The following RTL9 variants were observed in gnomAD, a reference collection of about 807,000 sequenced individuals.
RTL9 encodes retrotransposon Gag like 9.
RTL9 carries 19 observed loss-of-function variants against 44.7 expected under a neutral mutation model. The observed-to-expected ratio is 0.42, with a 90% CI of 0.30 to 0.62. RTL9 has a LOEUF of 0.62. Among genes scored for constraint, RTL9 ranks in the 20% least tolerant of loss-of-function variants. The pLI is 0.16. For missense variants in RTL9, 1,105 were observed against 1,080.6 expected (o/e 1.02, Z -0.32); for synonymous variants, 407 against 398.9 (o/e 1.02, Z -0.24).
chrX:110,411,043 C>T (rs1014874583), intron 1 of RTL9, among the ~76,000 whole-genome samples: 2 of 112,550 alleles, frequency 1.8e-5, no homozygotes, highest in Non-Finnish European at 1.9e-5. Context: ...ATTTCAGCAG[C>T]GATCAGCAAG....
At chrX:110,410,800 G>A (rs915456194) in intron 1 of RTL9, among the ~76,000 whole-genome samples, 29 of 111,750 alleles carry the variant, frequency 2.6e-4, no homozygotes, top group African/African-American at 8.8e-4. Context: ...CGTAGCTGGG[G>A]CCTTGGGACA....
chrX:110,417,884 G>A (rs899944660), upstream of RTL9, among the ~76,000 whole-genome samples: 3 of 112,608 alleles, frequency 2.7e-5, no homozygotes, highest in Non-Finnish European at 5.6e-5. Context: ...AAGTGATGGA[G>A]TTGGAATTTG....
At chrX:110,425,980 GCACA>G (rs72103134) in intron 1 of RTL9, among the ~76,000 whole-genome samples, 3 of 109,433 alleles carry the variant, frequency 2.7e-5, no homozygotes, top group East Asian at 2.9e-4. Context: ...GTGCGTGCGC[GCACA>G]CACACACACA....
chrX:110,445,244 C>T (rs2068902071), exon 2 of RTL9: 2 of 112,560 alleles, frequency 1.8e-5, no homozygotes, highest in South Asian at 7.5e-4. Flanking sequence ...CCCAGCTTCG[C>T]TCCCTCTCAG....
intron 1 of RTL9, among the ~76,000 whole-genome samples, chrX:110,378,881 C>T: frequency 9.1e-6 from 1 of 110,482 alleles, no homozygotes; most frequent in East Asian, 2.9e-4. Flanking sequence ...CACAGCTTCT[C>T]CATGGAGAAG....
chrX:110,442,468 C>T (rs1044850519), intron 1 of RTL9, among the ~76,000 whole-genome samples: 23 of 111,611 alleles, frequency 2.1e-4, no homozygotes, highest in African/African-American at 7.2e-4. Flanking sequence ...TGTGAAAGTG[C>T]TTTGGAAACT....
At chrX:110,450,335 G>A (rs1046776589), upstream of RTL9, among the ~76,000 whole-genome samples, 1 of 111,625 alleles carries the variant, frequency 9.0e-6, no homozygotes, top group African/African-American at 3.3e-5. Context: ...GGCGTTTATA[G>A]CATTTACAAA....
chrX:110,405,248 A>C (rs1446003885), intron 1 of RTL9, among the ~76,000 whole-genome samples: 1 of 111,390 alleles, frequency 9.0e-6, no homozygotes, highest in Admixed American at 9.5e-5. Context: ...CTCAGGGAAG[A>C]AGATGTAGAA....
At chrX:110,420,045 C>A (rs1420770432) in intron 1 of RTL9, among the ~76,000 whole-genome samples, 2 of 111,411 alleles carry the variant, frequency 1.8e-5, no homozygotes, top group African/African-American at 6.5e-5. Flanking sequence ...AGAGACAGAA[C>A]CAAAAGTTGA....
intron 1 of RTL9, among the ~76,000 whole-genome samples, chrX:110,422,068 ATGGGGCTCTGGC>A (rs1227442266): frequency 3.5e-5 from 4 of 113,105 alleles, no homozygotes; most frequent in African/African-American, 1.3e-4. Context: ...TTTCTGGAAA[ATGGGGCTCTGGC>A]TGGGATCAAA....
intron 1 of RTL9, among the ~76,000 whole-genome samples, chrX:110,393,840 G>A (rs1159348818): frequency 8.9e-6 from 1 of 112,455 alleles, no homozygotes; most frequent in Non-Finnish European, 1.9e-5. Flanking sequence ...GATGGGCTCC[G>A]GCCACCTGTG....
chrX:110,438,440 C>T (rs766284656), intron 1 of RTL9, among the ~76,000 whole-genome samples: 23 of 111,344 alleles, frequency 2.1e-4, no homozygotes, highest in Non-Finnish European at 3.8e-4. Flanking sequence ...CCGTAATCTG[C>T]CCCCACCCCA....
chrX:110,393,221 A>G (rs2068506646), intron 1 of RTL9, among the ~76,000 whole-genome samples: 1 of 111,732 alleles, frequency 8.9e-6, no homozygotes, highest in African/African-American at 3.3e-5. Flanking sequence ...ATTTTGGACC[A>G]CTTAACTTCC....
upstream of RTL9, among the ~76,000 whole-genome samples, chrX:110,418,261 T>A (rs1317472730): frequency 1.8e-5 from 2 of 112,414 alleles, no homozygotes; most frequent in Admixed American, 9.3e-5. Context: ...CTTATTTTTT[T>A]AATTAAGAGC....
intron 1 of RTL9, among the ~76,000 whole-genome samples, chrX:110,410,412 A>G (rs1326891397): frequency 8.9e-6 from 1 of 112,201 alleles, no homozygotes; most frequent in Non-Finnish European, 1.9e-5. Context: ...GGACAAGAGG[A>G]ACTCGCCAAT....
exon 1 of RTL9, chrX:110,454,267 C>A (rs757279636): frequency 4.1e-6 from 5 of 1,211,939 alleles, no homozygotes; most frequent in Non-Finnish European, 4.5e-6. Context: ...GAAAATAAAT[C>A]TTTCCTGAGA....
At chrX:110,400,494 A>T (rs781142675) in intron 1 of RTL9, among the ~76,000 whole-genome samples, 28 of 109,474 alleles carry the variant, frequency 2.6e-4, no homozygotes, top group Middle Eastern at 4.2e-3. Context: ...GTAATACCCT[A>T]CCTCTTCTGA....
At chrX:110,374,386 A>G (rs1210644976) in intron 1 of RTL9, among the ~76,000 whole-genome samples, 2 of 112,228 alleles carry the variant, frequency 1.8e-5, no homozygotes, top group Non-Finnish European at 3.8e-5. Context: ...TAATGAGTCT[A>G]GTAGTATTTC....
chrX:110,387,987 A>G (rs1435386666), intron 1 of RTL9, among the ~76,000 whole-genome samples: 1 of 105,176 alleles, frequency 9.5e-6, no homozygotes, highest in African/African-American at 3.5e-5. Flanking sequence ...TCAGCCTCCC[A>G]AGTAGCTGGG....
Sources: gnomAD v4.1 joint callset for allele counts (sites outside exome capture counted in the v4.1 genomes callset) on GRCh38, gnomAD v4.1.1 for gene constraint, MANE v1.5 for transcripts, NCBI Gene and HGNC (gene_info 2026-07-23, HGNC 2026-07-21) for gene names.